The following NWD2 variants were observed in gnomAD, a reference collection of about 807,000 sequenced individuals.
The protein encoded by NWD2 is NACHT and WD repeat domain-containing protein 2.
A neutral mutation model predicts 132.7 loss-of-function variants in NWD2; 37 were observed. The observed-to-expected ratio is 0.28, with a 90% CI of 0.21 to 0.37. The LOEUF is 0.37. Ranked by LOEUF, NWD2 falls within the 10% of genes least tolerant of loss-of-function variation. The pLI is 1.00. For missense variants in NWD2, 1,592 were observed against 2,122.4 expected (o/e 0.75, Z 4.91); for synonymous variants, 705 against 803.0 (o/e 0.88, Z 2.06).
At chr4:37,293,624 C>G (rs1241689512) in intron 1 of NWD2, among the ~76,000 whole-genome samples, 1 of 152,012 alleles carries the variant, frequency 6.6e-6, no homozygotes, top group Non-Finnish European at 1.5e-5. Flanking sequence ...TTAATTTTCC[C>G]TTAAAATTGG....
At chr4:37,301,036 A>G (rs1470103168) in intron 1 of NWD2, among the ~76,000 whole-genome samples, 1 of 152,010 alleles carries the variant, frequency 6.6e-6, no homozygotes, top group Non-Finnish European at 1.5e-5. Flanking sequence ...AGTGCAGTAA[A>G]CTCACTTTTT....
At chr4:37,408,062 A>G (rs796503394) in intron 3 of NWD2, among the ~76,000 whole-genome samples, 8 of 152,202 alleles carry the variant, frequency 5.3e-5, no homozygotes, top group Non-Finnish European at 7.3e-5. Context: ...TGTCTACTCC[A>G]TCAGGGCCCT....
Position 37,338,255 on chromosome 4 carries a change from G to A in NWD2, c.240+12231G>A, listed in dbSNP as rs146809781. 3.2e-3 allele frequency among the ~76,000 whole-genome samples: 490 copies of A among 152,324 alleles called. 5 individuals carry two copies. Among genetic ancestry groups the A allele is most frequent in the African/African-American group, 0.01 (418 of 41,564 alleles). On this transcript the variant is annotated intron_variant, in intron 2 of 6. Coordinates refer to ENST00000309447, the MANE Select transcript of NWD2 (RefSeq NM_001144990.2). ...TTACAAATAAATTGTGTGTGATCAT[G>A]TAATTGGCAGTGCTCCAAACCCAGC...
chr4:37,410,330 CA>C (rs199954147), intron 3 of NWD2, among the ~76,000 whole-genome samples: 1 of 150,344 alleles, frequency 6.7e-6, no homozygotes, highest in African/African-American at 2.4e-5. Context: ...AAATGGAAAG[CA>C]AAAAAAAGGC....
intron 3 of NWD2, among the ~76,000 whole-genome samples, chr4:37,426,160 A>G (rs1712002950): frequency 6.6e-6 from 1 of 152,256 alleles, no homozygotes; most frequent in South Asian, 2.1e-4. Flanking sequence ...ACACAAACCA[A>G]AAATATCTTA....
intron 3 of NWD2, among the ~76,000 whole-genome samples, chr4:37,398,153 G>A (rs977879383): frequency 7.2e-5 from 11 of 152,176 alleles, no homozygotes; most frequent in Non-Finnish European, 2.9e-5. Context: ...ATTCTTTGGA[G>A]GCTGGTACTT....
At chr4:37,380,468 A>G (rs1183997243) in intron 3 of NWD2, among the ~76,000 whole-genome samples, 1 of 152,226 alleles carries the variant, frequency 6.6e-6, no homozygotes, top group African/African-American at 2.4e-5. Flanking sequence ...TCCTTCATTT[A>G]TAAAGTTTGA....
chr4:37,354,710 A>G (rs1410953157), intron 2 of NWD2, among the ~76,000 whole-genome samples: 2 of 152,194 alleles, frequency 1.3e-5, no homozygotes, highest in Non-Finnish European at 2.9e-5. Context: ...CAGCTCTGGG[A>G]ACATCCTTCC....
In NWD2 at chr4:37,447,253, C is replaced by T. The variant is rs1712664149; in HGVS notation, c.*36C>T. ...TCCAGCTAAGCAGAAATATGTGATC[C>T]ACGTACAGAAGGGAAAAAAATGTGC... On this transcript the variant is annotated 3_prime_UTR_variant, in exon 7 of 7. Coordinates refer to ENST00000309447, the MANE Select transcript of NWD2 (RefSeq NM_001144990.2). 6.8e-7 allele frequency: 1 copy of T among 1,476,656 alleles called. No individual in the cohort carries two copies. Among genetic ancestry groups the T allele is most frequent in the Admixed American group, 2.2e-5 (1 of 45,174 alleles). 91.5% of individuals were successfully genotyped at this position (1,476,656 alleles called of 1,614,324 possible). A position where few individuals can be genotyped will look rare whatever the true frequency, so the allele number is the denominator to read the frequency against.
chr4:37,384,131 T>C (rs1016964248), intron 3 of NWD2, among the ~76,000 whole-genome samples: 17 of 152,198 alleles, frequency 1.1e-4, no homozygotes, highest in Admixed American at 1.0e-3. Context: ...GATTCCCTTT[T>C]TAGGAGCAGA....
intron 1 of NWD2, among the ~76,000 whole-genome samples, chr4:37,263,181 T>C (rs1275714599): frequency 1.3e-5 from 2 of 152,168 alleles, no homozygotes; most frequent in Non-Finnish European, 2.9e-5. Context: ...TATTTTATAT[T>C]ATTAGAACCT....
intron 1 of NWD2, among the ~76,000 whole-genome samples, chr4:37,249,346 A>C (rs1440877304): frequency 6.6e-6 from 1 of 152,232 alleles, no homozygotes; most frequent in Non-Finnish European, 1.5e-5. Context: ...TAAAAGATAC[A>C]GACTTTTGTT....
At chr4:37,327,398 G>A (rs17575883) in intron 2 of NWD2, among the ~76,000 whole-genome samples, 23,531 of 152,066 alleles carry the variant, frequency 0.15, 2,320 homozygotes, top group South Asian at 0.32. Flanking sequence ...TGTACTAGGC[G>A]AGGCCCATAG....
intron 3 of NWD2, among the ~76,000 whole-genome samples, chr4:37,371,924 C>T (rs1720235916): frequency 6.6e-6 from 1 of 152,012 alleles, no homozygotes; most frequent in Non-Finnish European, 1.5e-5. Flanking sequence ...ATAAACACTC[C>T]TAAAGTGTGA....
rs974890575 is a variant in NWD2, at chr4:37,448,474, T to G, written c.*1257T>G. ...GAAGCTGTGGAATGGTATTAAATAT[T>G]TTTTAAAATTAATTCACCTGTTTAA... On this transcript the variant is annotated 3_prime_UTR_variant, in exon 7 of 7. Coordinates refer to ENST00000309447, the MANE Select transcript of NWD2 (RefSeq NM_001144990.2). 1.3e-5 allele frequency: 2 copies of G among 152,226 alleles called. No homozygotes were observed. Among genetic ancestry groups the G allele is most frequent in the East Asian group, 1.9e-4 (1 of 5,204 alleles). 9.4% of individuals were successfully genotyped at this position (152,226 alleles called of 1,614,324 possible).
intron 2 of NWD2, among the ~76,000 whole-genome samples, chr4:37,352,684 C>T (rs891668604): frequency 1.3e-5 from 2 of 151,026 alleles, no homozygotes; most frequent in Non-Finnish European, 3.0e-5. Context: ...ATTGGTTTTA[C>T]TTTTTGCTTT....
intron 1 of NWD2, among the ~76,000 whole-genome samples, chr4:37,274,726 A>C (rs1201240779): frequency 2.0e-5 from 3 of 152,066 alleles, no homozygotes; most frequent in Non-Finnish European, 4.4e-5. Flanking sequence ...CAAAAAGCTT[A>C]TCCACCATGA....
intron 3 of NWD2, among the ~76,000 whole-genome samples, chr4:37,376,253 A>G (rs1323029343): frequency 1.3e-5 from 2 of 152,240 alleles, no homozygotes; most frequent in African/African-American, 4.8e-5. Flanking sequence ...GAAAATGAGA[A>G]TGTCCATCTC....
intron 3 of NWD2, among the ~76,000 whole-genome samples, chr4:37,415,345 C>T (rs1711560013): frequency 6.6e-6 from 1 of 152,150 alleles, no homozygotes; most frequent in South Asian, 2.1e-4. Context: ...GTCTAGAATT[C>T]GTTCATATTC....
Sources: gnomAD v4.1 joint callset for allele counts (sites outside exome capture counted in the v4.1 genomes callset) on GRCh38, gnomAD v4.1.1 for gene constraint, MANE v1.5 for transcripts, NCBI Gene and HGNC (gene_info 2026-07-23, HGNC 2026-07-21) for gene names.